Variants in FADS2 observed in about 807,000 individuals in gnomAD.
The protein encoded by FADS2 is fatty acid desaturase 2, also known as acyl-CoA 6-desaturase.
FADS2 carries 18 observed loss-of-function variants against 61.2 expected under a neutral mutation model. That is an observed-to-expected ratio of 0.29 (90% confidence interval 0.20 to 0.44). The LOEUF is 0.44. FADS2 is among the 20% of genes least tolerant of loss of function. The pLI is 1.00. For synonymous variants in FADS2, 203 were observed against 223.9 expected (o/e 0.91, Z 0.83); for missense variants, 322 against 572.7 (o/e 0.56, Z 4.47).
intron 1 of FADS2, among the ~76,000 whole-genome samples, chr11:61,821,691 A>G (rs2135947645): frequency 6.6e-6 from 1 of 152,374 alleles, no homozygotes; most frequent in East Asian, 1.9e-4. Flanking sequence ...ATGGGGGTGC[A>G]GTGACTACAA....
chr11:61,851,415 T>C (rs190366398), intron 5 of FADS2, among the ~76,000 whole-genome samples: 6 of 152,310 alleles, frequency 3.9e-5, no homozygotes, highest in Non-Finnish European at 4.4e-5. Context: ...GATCTGGTTG[T>C]TCAGTTACCA....
chr11:61,824,433 AGGG>A (rs2067057269), upstream of FADS2, among the ~76,000 whole-genome samples: 2 of 6,220 alleles, frequency 3.2e-4, no homozygotes, highest in African/African-American at 5.2e-4. Flanking sequence ...AGAGAGAGAG[AGGG>A]AGGGAGGGAG....
upstream of FADS2, among the ~76,000 whole-genome samples, chr11:61,823,657 T>C (rs1028623114): frequency 3.9e-5 from 6 of 152,084 alleles, no homozygotes; most frequent in African/African-American, 1.4e-4. Context: ...GCTGGGACTA[T>C]AGGCATGCAC....
At chr11:61,834,479 C>A (rs750434507) in intron 1 of FADS2, among the ~76,000 whole-genome samples, 13 of 152,144 alleles carry the variant, frequency 8.5e-5, no homozygotes, top group South Asian at 6.2e-4. Flanking sequence ...TGCCCATTAC[C>A]CCTGGGCTCA....
At position 61,857,090 on chromosome 11, in the gene FADS2, G is replaced by A. The variant is rs377036611; in HGVS notation, c.805+19G>A. On this transcript the variant is annotated intron_variant, in intron 6 of 11. Coordinates refer to ENST00000278840, the MANE Select transcript of FADS2 (RefSeq NM_004265.4). The stretch of plus-strand genomic sequence containing the variant: ...TTCCTGAGTGAGTGCTCGGCGCCCC[G>A]AAATCACTCTGGGACCCTCCCCTCC... 4.8e-5 allele frequency: 77 copies of A among 1,610,144 alleles called. No individual in the cohort carries two copies. Among genetic ancestry groups the A allele is most frequent in the African/African-American group, 1.3e-4 (10 of 74,824 alleles).
At chr11:61,822,510 C>T (rs2067043031) in intron 1 of FADS2, among the ~76,000 whole-genome samples, 1 of 152,176 alleles carries the variant, frequency 6.6e-6, no homozygotes, top group Admixed American at 6.5e-5. Context: ...GAGGAGAAGG[C>T]TGTTGTCCTT....
upstream of FADS2, among the ~76,000 whole-genome samples, chr11:61,824,453 AGGGAGG>A (rs1565325245): frequency 4.2e-3 from 15 of 3,586 alleles, 1 homozygote; most frequent in Admixed American, 5.9e-3. Context: ...GGAGGGAGGG[AGGGAGG>A]GAGAGAGAGA....
At chr11:61,836,358 A>G (rs780749203) in intron 1 of FADS2, among the ~76,000 whole-genome samples, 17 of 151,634 alleles carry the variant, frequency 1.1e-4, no homozygotes, top group Admixed American at 5.3e-4. Flanking sequence ...TCGGCTTCCC[A>G]AAGTGCTGGG....
chr11:61,857,401 C>T (rs1013345951), intron 6 of FADS2, 53 bp from the exon 7 acceptor site: 72 of 1,539,682 alleles, frequency 4.7e-5, no homozygotes, highest in Middle Eastern at 3.4e-4. Flanking sequence ...CCTGACCTTC[C>T]GGCACAGGCA....
intron 5 of FADS2, among the ~76,000 whole-genome samples, chr11:61,851,987 C>G (rs2135970567): frequency 6.6e-6 from 1 of 152,340 alleles, no homozygotes; most frequent in South Asian, 2.1e-4. Flanking sequence ...TCTTTAACTT[C>G]TGCCAAATGG....
At chr11:61,833,451 A>G (rs1206369225) in intron 1 of FADS2, among the ~76,000 whole-genome samples, 1 of 151,970 alleles carries the variant, frequency 6.6e-6, no homozygotes, top group Non-Finnish European at 1.5e-5. Flanking sequence ...AATATAATCA[A>G]CTCTCAGGGA....
At chr11:61,829,682 G>A (rs1358687749) in intron 1 of FADS2, among the ~76,000 whole-genome samples, 1 of 152,192 alleles carries the variant, frequency 6.6e-6, no homozygotes. Flanking sequence ...AGGTCTGATG[G>A]GATACAGAAA....
At chr11:61,856,789 G>A in intron 5 of FADS2, 2 of 573,078 alleles carry the variant, frequency 3.5e-6, no homozygotes, top group Non-Finnish European at 6.2e-6. Context: ...CCAGTGCTCG[G>A]CTAGGGCTGA....
intron 1 of FADS2, among the ~76,000 whole-genome samples, chr11:61,835,560 A>ATTTTTTTTT (rs57778794): frequency 7.2e-6 from 1 of 139,002 alleles, no homozygotes. Flanking sequence ...CACCTGGCTA[A>ATTTTTTTTT]TTTTTTTTTT....
At chr11:61,846,131 C>CTTTTTTTTTTTT (rs550169322) in intron 4 of FADS2, among the ~76,000 whole-genome samples, 2 of 130,484 alleles carry the variant, frequency 1.5e-5, no homozygotes, top group Non-Finnish European at 1.6e-5. Flanking sequence ...TCTTTCTTTT[C>CTTTTTTTTTTTT]TTTTTTTTTT....
At chr11:61,833,522 A>T (rs2067146122) in intron 1 of FADS2, among the ~76,000 whole-genome samples, 1 of 152,254 alleles carries the variant, frequency 6.6e-6, no homozygotes, top group Non-Finnish European at 1.5e-5. Context: ...CAAGGTAGCC[A>T]CATGTGACTC....
intron 4 of FADS2, among the ~76,000 whole-genome samples, chr11:61,843,405 G>C (rs1324031317): frequency 6.6e-6 from 1 of 152,218 alleles, no homozygotes; most frequent in Admixed American, 6.5e-5. Flanking sequence ...ATTCCAGCAT[G>C]GGTGACAGAG....
intron 5 of FADS2, among the ~76,000 whole-genome samples, chr11:61,849,221 G>C (rs1248252786): frequency 6.6e-6 from 1 of 152,168 alleles, no homozygotes. Flanking sequence ...TTAGTGGCCA[G>C]TCTAGGGTGA....
chr11:61,839,821 C>T lies in FADS2; in HGVS notation c.319-513C>T, dbSNP rs116265060. 6.2e-3 allele frequency among the ~76,000 whole-genome samples: 948 copies of T among 152,326 alleles called. 9 individuals are homozygous for T. The highest frequency in any genetic ancestry group is 0.021 in the African/African-American group (890 of 41,564). On this transcript the variant is annotated intron_variant, in intron 2 of 11. Coordinates refer to ENST00000278840, the MANE Select transcript of FADS2 (RefSeq NM_004265.4). ...TCTACTTTCTGTCTCTGAATTTGGCCTCTCCAAGGACCTCCTGTATATGGA... is the reference window on the plus strand; with the variant it reads ...TCTACTTTCTGTCTCTGAATTTGGCTTCTCCAAGGACCTCCTGTATATGGA...
Sources: gnomAD v4.1 joint callset for allele counts (sites outside exome capture counted in the v4.1 genomes callset) on GRCh38, gnomAD v4.1.1 for gene constraint, MANE v1.5 for transcripts, NCBI Gene and HGNC (gene_info 2026-07-23, HGNC 2026-07-21) for gene names.